SIL1: variants seen among roughly 807,000 people sequenced by gnomAD.
The protein encoded by SIL1 is SIL1 nucleotide exchange factor, also known as nucleotide exchange factor SIL1.
A neutral mutation model predicts 49.1 loss-of-function variants in SIL1; 40 were observed. That is an observed-to-expected ratio of 0.81 (90% CI 0.63 to 1.06). The LOEUF is 1.06. Among genes scored for constraint, SIL1 ranks in the 50% least tolerant of loss-of-function variants. SIL1 has a pLI of 0.00. For synonymous variants in SIL1, 253 were observed against 250.8 expected (o/e 1.01, Z -0.08); for missense variants, 500 against 572.6 (o/e 0.87, Z 1.29).
chr5:139,140,411 C>T (rs1207613566), intron 1 of SIL1, among the ~76,000 whole-genome samples: 1 of 152,190 alleles, frequency 6.6e-6, no homozygotes, highest in Non-Finnish European at 1.5e-5. Context: ...GGATGGGTCA[C>T]CAAGCACAGG....
intron 9 of SIL1, among the ~76,000 whole-genome samples, chr5:138,949,742 C>T (rs1766718952): frequency 7.5e-6 from 1 of 132,840 alleles, no homozygotes; most frequent in African/African-American, 2.8e-5. Flanking sequence ...GTCTGGGAGG[C>T]AGAGTTTACA....
At chr5:139,097,916 T>C (rs886582045) in intron 3 of SIL1, among the ~76,000 whole-genome samples, 3 of 152,178 alleles carry the variant, frequency 2.0e-5, no homozygotes, top group African/African-American at 7.2e-5. Flanking sequence ...CAATGAAAAC[T>C]ATAAAACACT....
chr5:139,047,211 A>G (rs188867884), intron 4 of SIL1, among the ~76,000 whole-genome samples: 1 of 152,368 alleles, frequency 6.6e-6, no homozygotes, highest in East Asian at 1.9e-4. Context: ...TTCCAGGGCA[A>G]AAAGAGAGAT....
chr5:139,138,846 G>A (rs1180311412), intron 1 of SIL1, among the ~76,000 whole-genome samples: 2 of 152,180 alleles, frequency 1.3e-5, no homozygotes. Flanking sequence ...CTTCTGTTCT[G>A]ACAACCAAGC....
At chr5:139,192,313 T>C (rs1384223317) in intron 1 of SIL1, among the ~76,000 whole-genome samples, 1 of 152,162 alleles carries the variant, frequency 6.6e-6, no homozygotes, top group African/African-American at 2.4e-5. Flanking sequence ...TCTAGATCTC[T>C]TTCCCATCAC....
chr5:139,147,283 A>T (rs1421671214), intron 1 of SIL1, among the ~76,000 whole-genome samples: 5 of 152,082 alleles, frequency 3.3e-5, no homozygotes, highest in African/African-American at 1.2e-4. Context: ...TTGTCTGCAG[A>T]TCTGTAAGCT....
At chr5:139,032,480 G>C (rs1183980772) in intron 5 of SIL1, among the ~76,000 whole-genome samples, 4 of 152,072 alleles carry the variant, frequency 2.6e-5, no homozygotes, top group African/African-American at 9.7e-5. Context: ...CTAAATTTTG[G>C]TGAGGATTTT....
chr5:138,951,965 C>T (rs1003003986), intron 7 of SIL1, 81 bp from the exon 8 acceptor site: 1 of 1,242,454 alleles, frequency 8.0e-7, no homozygotes, highest in Non-Finnish European at 1.2e-6. Flanking sequence ...CCATGTCAGC[C>T]ATCCCTGGGG....
chr5:139,117,450 G>A (rs1203920714), intron 3 of SIL1, among the ~76,000 whole-genome samples: 2 of 152,176 alleles, frequency 1.3e-5, no homozygotes, highest in Non-Finnish European at 2.9e-5. Context: ...CTATATCTCT[G>A]GCTATAGATG....
intron 5 of SIL1, among the ~76,000 whole-genome samples, chr5:139,033,522 T>C (rs1365444613): frequency 1.3e-5 from 2 of 151,968 alleles, no homozygotes; most frequent in African/African-American, 4.8e-5. Flanking sequence ...CCAGCTTTAG[T>C]TGGATCCTGC....
At chr5:138,984,695 T>G (rs1767613322) in intron 7 of SIL1, among the ~76,000 whole-genome samples, 2 of 152,072 alleles carry the variant, frequency 1.3e-5, no homozygotes, top group African/African-American at 4.8e-5. Context: ...CTCTAGAGAA[T>G]CAGGCATAGC....
intron 3 of SIL1, among the ~76,000 whole-genome samples, chr5:139,080,938 A>T (rs1019028622): frequency 6.6e-6 from 1 of 152,212 alleles, no homozygotes; most frequent in African/African-American, 2.4e-5. Flanking sequence ...AATTAGTTTC[A>T]ATTTATATTT....
rs559525309 is a variant in SIL1 at position 139,057,700 on chromosome 5, G to A, written c.245-6654C>T. 3.7e-4 allele frequency among the ~76,000 whole-genome samples: 56 copies of A among 152,340 alleles called. 1 individual carries two copies. In the South Asian group the frequency reaches 0.011, roughly 29 times the overall value. ...ACCAAAAGCATCTGCTTTAATGGCT[G>A]TCTTAGAGTGTGTCCTAGTCCATTA... On this transcript the variant is annotated intron_variant, in intron 3 of 9. Coordinates refer to ENST00000394817, the MANE Select transcript of SIL1 (RefSeq NM_022464.5).
chr5:139,142,977 C>T (rs1751110326), intron 1 of SIL1, among the ~76,000 whole-genome samples: 1 of 151,822 alleles, frequency 6.6e-6, no homozygotes, highest in South Asian at 2.1e-4. Flanking sequence ...ACTGTGTTAG[C>T]CAGGATGGTC....
intron 1 of SIL1, among the ~76,000 whole-genome samples, chr5:139,164,309 C>T (rs1350903259): frequency 6.6e-6 from 1 of 152,048 alleles, no homozygotes; most frequent in Non-Finnish European, 1.5e-5. Flanking sequence ...CATCCCTTCC[C>T]TCACAAGAGG....
In SIL1 at chr5:139,069,458, T is replaced by C. The variant is rs1769780623; in HGVS notation, c.245-18412A>G. 3.9e-5 allele frequency among the ~76,000 whole-genome samples: 6 copies of C among 151,932 alleles called. No individual in the cohort carries two copies. In the South Asian group the frequency reaches 1.2e-3, roughly 31 times the overall value. Reference sequence around the variant, plus strand: ...AAAAGTAAGGTTTGTAACAAACTAATAAACAATGAAGAAAGACAAAAGAAG... The same window carrying C: ...AAAAGTAAGGTTTGTAACAAACTAACAAACAATGAAGAAAGACAAAAGAAG... On this transcript the variant is annotated intron_variant, in intron 3 of 9. Transcript: ENST00000394817.
chr5:138,950,874 G>C (rs973655190), intron 9 of SIL1, among the ~76,000 whole-genome samples: 1 of 152,150 alleles, frequency 6.6e-6, no homozygotes, highest in Non-Finnish European at 1.5e-5. Context: ...GCCTGGTCTC[G>C]GCTGCTCCAA....
intron 1 of SIL1, among the ~76,000 whole-genome samples, chr5:139,148,472 C>G (rs2151804510): frequency 6.6e-6 from 1 of 152,326 alleles, no homozygotes; most frequent in East Asian, 1.9e-4. Flanking sequence ...TGCCAGCCAG[C>G]CTTCTCACCA....
intron 7 of SIL1, among the ~76,000 whole-genome samples, chr5:138,973,201 TAAAAAAAA>T (rs5871690): frequency 2.8e-5 from 3 of 105,376 alleles, no homozygotes; most frequent in Non-Finnish European, 1.9e-5. Context: ...TTGAAGTATT[TAAAAAAAA>T]AAAAAAAAAA....
Sources: gnomAD v4.1 joint callset for allele counts (sites outside exome capture counted in the v4.1 genomes callset) on GRCh38, gnomAD v4.1.1 for gene constraint, MANE v1.5 for transcripts, NCBI Gene and HGNC (gene_info 2026-07-23, HGNC 2026-07-21) for gene names.